The following PLCL1 variants were observed in gnomAD, a reference collection of about 807,000 sequenced individuals.
PLCL1 encodes phospholipase C like 1 (inactive), also known as inactive phospholipase C-like protein 1.
A neutral mutation model predicts 84.4 loss-of-function variants in PLCL1; 41 were observed. The observed-to-expected ratio is 0.49, with a 90% CI of 0.38 to 0.63. The LOEUF (loss-of-function observed/expected upper bound fraction) is 0.63, where lower values mean the gene tolerates loss of function less well. PLCL1 is among the 30% of genes least tolerant of loss of function. The probability of loss-of-function intolerance (pLI) is 0.00; values close to 1 mark genes in which losing one functional copy is unlikely to be tolerated. For missense variants in PLCL1, 1,206 were observed against 1,367.8 expected (o/e 0.88, Z 1.87); for synonymous variants, 490 against 488.3 (o/e 1.00, Z -0.05).
At chr2:197,981,055 T>G (rs1690094604) in intron 1 of PLCL1, among the ~76,000 whole-genome samples, 1 of 152,224 alleles carries the variant, frequency 6.6e-6, no homozygotes, top group Admixed American at 6.5e-5. Context: ...TAATAAAACC[T>G]TCTTCTTTTA....
chr2:198,091,295 T>C (rs1305796373), intron 3 of PLCL1, among the ~76,000 whole-genome samples: 1 of 152,188 alleles, frequency 6.6e-6, no homozygotes, highest in African/African-American at 2.4e-5. Flanking sequence ...GGATTTGCAT[T>C]GTATTGGTTG....
intron 1 of PLCL1, among the ~76,000 whole-genome samples, chr2:197,916,863 T>C (rs1339817957): frequency 6.6e-6 from 1 of 152,228 alleles, no homozygotes; most frequent in Non-Finnish European, 1.5e-5. Context: ...AAGATGTCAT[T>C]TTTGTCATTA....
At chr2:198,069,261 C>A (rs1048017894) in intron 1 of PLCL1, among the ~76,000 whole-genome samples, 1 of 150,970 alleles carries the variant, frequency 6.6e-6, no homozygotes, top group Admixed American at 6.6e-5. Flanking sequence ...GAGACTGAGG[C>A]GGGAGGATCA....
rs1279882559 is a variant in PLCL1 at position 197,923,180 on chromosome 2, G to A, written c.240+117841G>A. ...CGGGCAGAGGCGCCCCTCACCTCCC[G>A]GACGGGGCGGCTGGCCGGGCGGGGG... is the stretch of plus-strand genomic sequence containing the variant. On this transcript the variant is annotated intron_variant, in intron 1 of 5. Transcript: ENST00000428675. Among the ~76,000 whole-genome samples, 333 of 112,326 alleles carry A rather than the reference G, an allele frequency of 3.0e-3. 1 individual carries two copies. In the South Asian group the frequency reaches 0.073, roughly 25 times the overall value. The allele number at this position is 112,326 out of a possible 152,430, so 73.7% of individuals were successfully genotyped here.
intron 1 of PLCL1, among the ~76,000 whole-genome samples, chr2:198,021,822 A>G (rs1433137942): frequency 2.6e-5 from 4 of 152,230 alleles, no homozygotes; most frequent in African/African-American, 7.2e-5. Flanking sequence ...AGGTACAAAG[A>G]CAAGCTGGTG....
intron 5 of PLCL1, among the ~76,000 whole-genome samples, chr2:198,132,560 T>C (rs1046971655): frequency 6.6e-6 from 1 of 152,128 alleles, no homozygotes; most frequent in African/African-American, 2.4e-5. Context: ...GATAGTTTGA[T>C]TTTCACAGTA....
chr2:198,119,764 C>T (rs1430099214), intron 5 of PLCL1, among the ~76,000 whole-genome samples: 1 of 151,946 alleles, frequency 6.6e-6, no homozygotes, highest in Non-Finnish European at 1.5e-5. Context: ...TGATGTGTCC[C>T]TATGTCTTTT....
chr2:198,074,626 G>T (rs1231929706), intron 1 of PLCL1, among the ~76,000 whole-genome samples: 1 of 152,086 alleles, frequency 6.6e-6, no homozygotes, highest in Non-Finnish European at 1.5e-5. Flanking sequence ...GCGACAGAGC[G>T]AGACTCCGTC....
chr2:198,055,616 A>G (rs1365630830), intron 1 of PLCL1, among the ~76,000 whole-genome samples: 1 of 151,650 alleles, frequency 6.6e-6, no homozygotes, highest in Non-Finnish European at 1.5e-5. Context: ...AGCATGAAGC[A>G]TGGTTCTCCT....
At chr2:198,043,666 G>A (rs941484623) in intron 1 of PLCL1, among the ~76,000 whole-genome samples, 2 of 152,134 alleles carry the variant, frequency 1.3e-5, no homozygotes. Flanking sequence ...CTCCTGGAGA[G>A]GGAGGAGAAA....
At chr2:198,053,334 G>A (rs760558786) in intron 1 of PLCL1, among the ~76,000 whole-genome samples, 1 of 152,182 alleles carries the variant, frequency 6.6e-6, no homozygotes, top group Non-Finnish European at 1.5e-5. Flanking sequence ...CCAATGAGAG[G>A]CACTGGCAGG....
chr2:198,114,722 C>A (rs989554675), intron 5 of PLCL1, among the ~76,000 whole-genome samples: 1 of 151,646 alleles, frequency 6.6e-6, no homozygotes, highest in Non-Finnish European at 1.5e-5. Flanking sequence ...TCAAGGAAGA[C>A]AAAAATGGGC....
At chr2:198,004,344 G>A (rs1690676363) in intron 1 of PLCL1, among the ~76,000 whole-genome samples, 1 of 152,162 alleles carries the variant, frequency 6.6e-6, no homozygotes, top group Non-Finnish European at 1.5e-5. Context: ...ACTTGCATGT[G>A]CCAATGCCAG....
At chr2:197,972,541 T>G (rs1203710222) in intron 1 of PLCL1, among the ~76,000 whole-genome samples, 1 of 152,196 alleles carries the variant, frequency 6.6e-6, no homozygotes, top group Non-Finnish European at 1.5e-5. Context: ...TCCTTCATCA[T>G]CAGTTCACTT....
At chr2:197,855,666 T>C (rs1306658453) in intron 1 of PLCL1, among the ~76,000 whole-genome samples, 8 of 152,124 alleles carry the variant, frequency 5.3e-5, no homozygotes, top group African/African-American at 1.9e-4. Flanking sequence ...TCTAGCTAAC[T>C]TTACTCCTTG....
Position 198,146,842 on chromosome 2 carries a change from G to A in PLCL1, c.3168G>A (p.Gln1056=), listed in dbSNP as rs898326617. 1 of 1,613,506 alleles carries A rather than the reference G, an allele frequency of 6.2e-7. No homozygotes were observed. The highest frequency in any genetic ancestry group is 8.5e-7 in the Non-Finnish European group (1 of 1,179,736). Residue 1056 remains glutamine, a synonymous_variant, in exon 6 of 6, where the codon CAG becomes CAA. Coordinates refer to ENST00000428675, the MANE Select transcript of PLCL1 (RefSeq NM_006226.4). The part of the protein sequence containing the change: ...NEAIENMKQI[Q]LACLSCGLSK... ...CTATAGAAAACATGAAGCAGATCCA[G>A]CTGGCATGCCTGTCCTGTGGACTGA... is the stretch of plus-strand genomic sequence containing the variant.
At chr2:198,041,720 A>G (rs1350190900) in intron 1 of PLCL1, among the ~76,000 whole-genome samples, 1 of 152,222 alleles carries the variant, frequency 6.6e-6, no homozygotes, top group Admixed American at 6.5e-5. Flanking sequence ...GGAAGAAATC[A>G]TTGTGGACTA....
chr2:198,046,802 G>C (rs924580898), intron 1 of PLCL1, among the ~76,000 whole-genome samples: 5 of 152,072 alleles, frequency 3.3e-5, no homozygotes, highest in Non-Finnish European at 5.9e-5. Flanking sequence ...TTGAGCCCCT[G>C]CACTCCAGCC....
At chr2:198,045,577 T>C (rs1691766873) in intron 1 of PLCL1, among the ~76,000 whole-genome samples, 1 of 152,150 alleles carries the variant, frequency 6.6e-6, no homozygotes, top group African/African-American at 2.4e-5. Context: ...GAAATAATTG[T>C]TTTGCATTAA....
Sources: allele counts gnomAD v4.1 joint callset (sites outside exome capture counted in the v4.1 genomes callset), GRCh38; gene constraint gnomAD v4.1.1; transcripts MANE v1.5; gene names NCBI Gene and HGNC (gene_info 2026-07-23, HGNC 2026-07-21).